Variants in MTMR4 observed in about 807,000 individuals in gnomAD.
MTMR4 encodes the protein myotubularin related protein 4, also known as phosphatidylinositol-3,5-bisphosphate 3-phosphatase MTMR4.
MTMR4 carries 30 observed loss-of-function variants against 125.5 expected under a neutral mutation model. That is an observed-to-expected ratio of 0.24 (90% CI 0.18 to 0.32). MTMR4 has a LOEUF of 0.32. Ranked by LOEUF, MTMR4 falls within the 10% of genes least tolerant of loss-of-function variation. MTMR4 has a pLI of 1.00. For missense variants in MTMR4, 1,039 were observed against 1,511.5 expected, an observed-to-expected ratio of 0.69 and a Z score of 5.18; for synonymous variants, 498 against 564.5, an observed-to-expected ratio of 0.88 and a Z score of 1.67.
At chr17:58,516,467 A>T, upstream of MTMR4, 3 of 1,116,208 alleles carry the variant, frequency 2.7e-6, no homozygotes, top group Non-Finnish European at 4.1e-6. Flanking sequence ...CATGTTTAGG[A>T]GCTGAACAGG....
At position 58,512,821 on chromosome 17, in the gene MTMR4, C is replaced by G; in HGVS notation, c.135+31G>C. On this transcript the variant is annotated intron_variant, in intron 2 of 17. Transcript: ENST00000682306. The surrounding 1 kb of genome is among the most constrained non-coding windows in gnomAD (Gnocchi z 4.1). The stretch of plus-strand genomic sequence containing the variant: ...GTGTTTTTTAACTGGGCAGGGAGCC[C>G]CATCTATCCTGGCCCCCAACTCCTC... 6.4e-7 allele frequency: 1 copy of G among 1,570,984 alleles called. No homozygotes were observed. The highest frequency in any genetic ancestry group is 1.7e-5 in the Admixed American group (1 of 59,038).
chr17:58,515,523 A>T (rs571158477), upstream of MTMR4, among the ~76,000 whole-genome samples: 1 of 152,354 alleles, frequency 6.6e-6, no homozygotes, highest in South Asian at 2.1e-4. Context: ...TTATCTCAGT[A>T]AAACTTTTCA....
intron 17 of MTMR4, 71 bp from the exon 18 acceptor site, chr17:58,491,911 C>T (rs896138836): frequency 1.1e-5 from 16 of 1,459,926 alleles, no homozygotes; most frequent in Admixed American, 1.9e-5. Context: ...TGACTCACAC[C>T]AGTAATCCCT....
chr17:58,518,391 A>G (rs2042052459), upstream of MTMR4, among the ~76,000 whole-genome samples: 1 of 152,158 alleles, frequency 6.6e-6, no homozygotes, highest in South Asian at 2.1e-4. Context: ...TCCGGTCCCA[A>G]CGCCAGAATA....
upstream of MTMR4, among the ~76,000 whole-genome samples, chr17:58,516,291 C>T (rs1976083447): frequency 6.6e-6 from 1 of 152,182 alleles, no homozygotes; most frequent in South Asian, 2.1e-4. Context: ...AAGAAGAGGG[C>T]TGTTATGAAG....
At chr17:58,497,364 A>G (rs1466034092) in intron 14 of MTMR4, among the ~76,000 whole-genome samples, 2 of 152,224 alleles carry the variant, frequency 1.3e-5, no homozygotes, top group African/African-American at 2.4e-5. Context: ...CAGGAAGGCA[A>G]TAACAGTGGT....
At chr17:58,511,744 G>C (rs879642457) in intron 3 of MTMR4, among the ~76,000 whole-genome samples, 1 of 152,152 alleles carries the variant, frequency 6.6e-6, no homozygotes, top group Non-Finnish European at 1.5e-5. Flanking sequence ...GAAAAATCAA[G>C]CCTCAGTTAG....
At chr17:58,516,645 G>C (rs1395178376), upstream of MTMR4, 10 of 1,601,668 alleles carry the variant, frequency 6.2e-6, no homozygotes, top group East Asian at 2.0e-4. Flanking sequence ...GAACATAAAA[G>C]TAAAGGACCC....
At chr17:58,513,009 C>G (rs1034555695) in intron 1 of MTMR4, 68 bp from the exon 2 acceptor site, 3 of 1,142,556 alleles carry the variant, frequency 2.6e-6, no homozygotes, top group African/African-American at 3.1e-5. Flanking sequence ...CTGCTCCTCT[C>G]CCCACCAAGA....
intron 14 of MTMR4, among the ~76,000 whole-genome samples, chr17:58,503,216 T>C (rs1251476753): frequency 6.6e-6 from 1 of 152,082 alleles, no homozygotes; most frequent in Non-Finnish European, 1.5e-5. Flanking sequence ...TCATACAGAG[T>C]GATAGCAGCT....
Position 58,507,201 on chromosome 17 carries a change from C to T in MTMR4, c.826G>A (p.Asp276Asn), listed in dbSNP as rs1975802409. The T allele has an allele frequency of 6.2e-7, 1 of 1,614,074 alleles. No homozygotes were observed. Among genetic ancestry groups the T allele is most frequent in the Admixed American group, 1.7e-5 (1 of 60,000 alleles). ...CCCCCAGTGGCCCTTGTCCCCGGGT[C>T]CAGGGCACAGGCTTTAGCAATGGAC... ...VTSIAKACAL[D>N]PGTRATGGSL... The change falls in exon 8 of 18, where the codon GAC becomes AAC. Residue 276 changes from aspartate to asparagine, a missense_variant. Asp to Asn is a conservative substitution (Grantham distance 23). Around this residue, in one of 6 missense-constraint regions of MTMR4, gnomAD observed 49 missense variants for 68.4 expected, o/e 0.72. Coordinates refer to ENST00000682306, the MANE Select transcript of MTMR4 (RefSeq NM_001378067.1).
intron 15 of MTMR4, 36 bp from the exon 16 acceptor site, chr17:58,492,988 C>G: frequency 6.5e-7 from 1 of 1,527,412 alleles, no homozygotes; most frequent in Admixed American, 1.7e-5. Context: ...TTATCTTCAT[C>G]ATCATTAACG....
At position 58,505,602 on chromosome 17, in the gene MTMR4, A is replaced by G. The variant is rs968541343; in HGVS notation, c.1034-19T>C. 9 of 1,591,748 alleles carry G rather than the reference A, an allele frequency of 5.7e-6. No homozygotes were observed. The highest frequency in any genetic ancestry group is 1.3e-5 in the African/African-American group (1 of 74,464). ...TAGTACTCTGTAGACATGACAGGAGAGTGGGACATAAAAGCACGTCCTAGG... is the reference window on the plus strand; with the variant it reads ...TAGTACTCTGTAGACATGACAGGAGGGTGGGACATAAAAGCACGTCCTAGG... On this transcript the variant is annotated intron_variant, in intron 9 of 17. Transcript: ENST00000682306.
In MTMR4 at chr17:58,512,808, T is replaced by G. The variant is rs9909157; in HGVS notation, c.135+44A>C. 1,319 of 1,538,360 alleles carry G rather than the reference T, an allele frequency of 8.6e-4. 7 individuals are homozygous for G. The African/African-American group carries it at 0.011, about 13-fold the overall frequency. On this transcript the variant is annotated intron_variant, in intron 2 of 17. Coordinates refer to ENST00000682306, the MANE Select transcript of MTMR4 (RefSeq NM_001378067.1). This position sits in a 1 kb window ranked among gnomAD's most constrained non-coding sequence, Gnocchi z 4.1. ...GGGAGAAGGGAGGGTGTTTTTTAACTGGGCAGGGAGCCCCATCTATCCTGG... is the reference window on the plus strand; with the variant it reads ...GGGAGAAGGGAGGGTGTTTTTTAACGGGGCAGGGAGCCCCATCTATCCTGG...
rs764468324 is a variant in MTMR4 at position 58,508,553 on chromosome 17, G to A, written c.508C>T (p.Arg170Cys). Residue 170 changes from arginine to cysteine, a missense_variant, in exon 6 of 18, where the codon CGT (arginine) becomes TGT (cysteine). Arg to Cys is a radical substitution (Grantham distance 180). Around this residue, in one of 6 missense-constraint regions of MTMR4, gnomAD observed 202 missense variants for 311.9 expected, o/e 0.65. Transcript: ENST00000682306. This position sits in a 1 kb window ranked among gnomAD's most constrained non-coding sequence, Gnocchi z 4.8. The stretch of plus-strand genomic sequence containing the variant: ...GCAAGCTCCGCCTCCTGTCGACAAC[G>A]TATGTGCTCACCTGCAACAGAGCCC... ...THLCQPGEHIRCRQEAELARM... is the reference protein window; with the variant it reads ...THLCQPGEHICCRQEAELARM... 2.8e-5 allele frequency: 45 copies of A among 1,614,094 alleles called. No individual in the cohort carries two copies. Among genetic ancestry groups the A allele is most frequent in the Admixed American group, 6.7e-5 (4 of 60,004 alleles).
Position 58,495,706 on chromosome 17 carries a change from G to T in MTMR4, c.2478C>A (p.Ser826Arg). The T allele has an allele frequency of 6.2e-7, 1 of 1,614,172 alleles. No individual in the cohort carries two copies. Among genetic ancestry groups the T allele is most frequent in the South Asian group, 1.1e-5 (1 of 91,072 alleles). ...CAGCACTCGGTGGGTTGCAAACGGT[G>T]CTGAGGCTGTGATCAAGAACACACT... ...PSKCVLDHSL[S>R]TVCNPPSAAC... The change falls in exon 15 of 18, where the codon AGC becomes AGA. Residue 826 changes from serine to arginine, a missense_variant. Transcript: ENST00000682306.
At chr17:58,518,853 G>A (rs542113563), upstream of MTMR4, among the ~76,000 whole-genome samples, 84 of 152,244 alleles carry the variant, frequency 5.5e-4, no homozygotes, top group Non-Finnish European at 8.8e-4. Flanking sequence ...GGTCTGGAGC[G>A]GGCCTGAGCG....
chr17:58,507,879 C>T (rs1229886976), intron 7 of MTMR4: 1 of 291,080 alleles, frequency 3.4e-6, no homozygotes, highest in African/African-American at 2.2e-5. Context: ...GTTTGCCAAC[C>T]CCTGTACTAA....
chr17:58,513,547 C>T (rs1172876933), intron 1 of MTMR4, among the ~76,000 whole-genome samples: 2 of 152,130 alleles, frequency 1.3e-5, no homozygotes, highest in Non-Finnish European at 2.9e-5. Context: ...CCATTACCTG[C>T]CAAGTAACCT....
Sources: allele counts gnomAD v4.1 joint callset (sites outside exome capture counted in the v4.1 genomes callset), GRCh38; gene constraint gnomAD v4.1.1; regional missense constraint gnomAD v4.1.1; non-coding constraint Gnocchi (gnomAD v3.1); transcripts MANE v1.5; gene names NCBI Gene and HGNC (gene_info 2026-07-23, HGNC 2026-07-21).